Variants in PRDM16 observed in about 807,000 individuals in gnomAD.
PRDM16 encodes PR/SET domain 16, also known as histone-lysine N-methyltransferase PRDM16.
A neutral mutation model predicts 110.6 loss-of-function variants in PRDM16; 23 were observed. The ratio of observed to expected loss-of-function variants is 0.21; its 90% confidence interval spans 0.15 to 0.29. The LOEUF is 0.29. PRDM16 is among the 10% of genes least tolerant of loss of function. The pLI is 1.00. For missense variants in PRDM16, 1,615 were observed against 1,794.3 expected (o/e 0.90, Z 1.81); for synonymous variants, 799 against 781.8 (o/e 1.02, Z -0.37).
intron 1 of PRDM16, among the ~76,000 whole-genome samples, chr1:3,079,932 G>A (rs1376768572): frequency 6.6e-6 from 1 of 152,234 alleles, no homozygotes; most frequent in Non-Finnish European, 1.5e-5. Context: ...TGCCTTGGCT[G>A]CACCTCGGTC....
At chr1:3,198,204 G>A (rs910374041) in intron 2 of PRDM16, among the ~76,000 whole-genome samples, 5 of 152,214 alleles carry the variant, frequency 3.3e-5, no homozygotes, top group Admixed American at 2.0e-4. Flanking sequence ...GTGTGGCTGG[G>A]TTGCTGTGGT....
intron 3 of PRDM16, among the ~76,000 whole-genome samples, chr1:3,272,227 G>A (rs1569968012): frequency 6.6e-6 from 1 of 152,228 alleles, no homozygotes; most frequent in Non-Finnish European, 1.5e-5. Context: ...AGCACTCCAC[G>A]GGGACAGGCG....
chr1:3,246,626 G>C lies in PRDM16; in HGVS notation c.438+2489G>C, dbSNP rs1465412170. Among the ~76,000 whole-genome samples the C allele has an allele frequency of 6.6e-6, 1 of 152,228 alleles. No homozygotes were observed. Among genetic ancestry groups the C allele is most frequent in the East Asian group, 1.9e-4 (1 of 5,188 alleles). On this transcript the variant is annotated intron_variant, in intron 3 of 16. Transcript: ENST00000270722. The surrounding 1 kb of genome is among the most constrained non-coding windows in gnomAD (Gnocchi z 5.2). Reference sequence around the variant, plus strand: ...CCTCAGGCACAGCTCCACCAGAGGGGGAGGCTGCCACACAGCACTGCCTGG... The same window carrying C: ...CCTCAGGCACAGCTCCACCAGAGGGCGAGGCTGCCACACAGCACTGCCTGG...
At chr1:3,249,558 A>T (rs966895331) in intron 3 of PRDM16, among the ~76,000 whole-genome samples, 11 of 152,172 alleles carry the variant, frequency 7.2e-5, no homozygotes, top group Non-Finnish European at 1.0e-4. Flanking sequence ...AGAAAAAAAA[A>T]AATACACACC....
chr1:3,393,611 C>T (rs1274973137), intron 4 of PRDM16, among the ~76,000 whole-genome samples: 3 of 152,216 alleles, frequency 2.0e-5, no homozygotes, highest in Non-Finnish European at 4.4e-5. Context: ...CCACCGCGGC[C>T]GGCCCGGTCT....
At chr1:3,212,927 T>G (rs1201202237) in intron 2 of PRDM16, among the ~76,000 whole-genome samples, 1 of 152,212 alleles carries the variant, frequency 6.6e-6, no homozygotes, top group African/African-American at 2.4e-5. Flanking sequence ...CTTTTTCATG[T>G]TGCTGGTGAC....
At chr1:3,181,393 C>T (rs917661911) in intron 1 of PRDM16, among the ~76,000 whole-genome samples, 1 of 56,760 alleles carries the variant, frequency 1.8e-5, no homozygotes, top group South Asian at 8.7e-4. Context: ...CACGGCCTTA[C>T]GCATGGTCTT....
Position 3,432,144 on chromosome 1 carries a change from GGTACCC to G in PRDM16, c.3696+6_3696+11del. ...GTGCAGGCAGGCTAAGAACCAGGTA[GGTACCC>G]GCCAGAGCCCCTCCCCCACCCCACC... On this transcript the variant is annotated splice_donor_5th_base_variant and intron_variant, in intron 16 of 16. Coordinates refer to ENST00000270722, the MANE Select transcript of PRDM16 (RefSeq NM_022114.4). The G allele has an allele frequency of 6.2e-7, 1 of 1,611,878 alleles. No homozygotes were observed. Among genetic ancestry groups the G allele is most frequent in the Non-Finnish European group, 8.5e-7 (1 of 1,178,844 alleles).
In PRDM16 at chr1:3,432,847, G is replaced by A. The variant is rs185036930; in HGVS notation, c.3696+707G>A. 2.4e-4 allele frequency among the ~76,000 whole-genome samples: 36 copies of A among 152,274 alleles called. 1 individual carries two copies. Among genetic ancestry groups the A allele is most frequent in the Admixed American group, 1.4e-3 (21 of 15,298 alleles). On this transcript the variant is annotated intron_variant, in intron 16 of 16. Transcript: ENST00000270722. Reference sequence around the variant, plus strand: ...CCTTCCCTGCCCTTAACCCACACACGATGCTCCCCAGGTCCCATCCCCACC... The same window carrying A: ...CCTTCCCTGCCCTTAACCCACACACAATGCTCCCCAGGTCCCATCCCCACC...
intron 3 of PRDM16, among the ~76,000 whole-genome samples, chr1:3,330,471 C>T (rs1029155684): frequency 6.6e-5 from 10 of 152,220 alleles, no homozygotes; most frequent in East Asian, 1.9e-4. Flanking sequence ...CCTCACATGG[C>T]GCCCATTCTC....
intron 8 of PRDM16, among the ~76,000 whole-genome samples, chr1:3,407,018 G>A (rs985554061): frequency 6.6e-6 from 1 of 152,248 alleles, no homozygotes; most frequent in Non-Finnish European, 1.5e-5. Context: ...AGGCCAGGCT[G>A]TGGAGCCCAA....
rs573924206 is a variant in PRDM16 at position 3,098,753 on chromosome 1, C to T, written c.37+29457C>T. On this transcript the variant is annotated intron_variant, in intron 1 of 16. Transcript: ENST00000270722. Reference sequence around the variant, plus strand: ...GGGTTTTCAGTCTTCTGGACAGGCCCGGGGGCTTCCCTCTGATGCCCTTGC... The same window carrying T: ...GGGTTTTCAGTCTTCTGGACAGGCCTGGGGGCTTCCCTCTGATGCCCTTGC... Among the ~76,000 whole-genome samples the T allele has an allele frequency of 1.4e-4, 22 of 152,316 alleles. No individual in the cohort carries two copies. The South Asian group carries it at 3.7e-3, about 26-fold the overall frequency.
At chr1:3,139,417 T>C (rs555782870) in intron 1 of PRDM16, among the ~76,000 whole-genome samples, 1 of 152,332 alleles carries the variant, frequency 6.6e-6, no homozygotes, top group South Asian at 2.1e-4. Flanking sequence ...CCCAGATTGA[T>C]AGCAGGCGAC....
intron 1 of PRDM16, among the ~76,000 whole-genome samples, chr1:3,185,814 G>A (rs1225472705): frequency 1.3e-5 from 2 of 152,214 alleles, no homozygotes; most frequent in Non-Finnish European, 1.5e-5. Context: ...ACCACCCGGC[G>A]CATCCTCAGG....
intron 3 of PRDM16, among the ~76,000 whole-genome samples, chr1:3,263,584 T>TG (rs1414058496): frequency 6.6e-6 from 1 of 152,168 alleles, no homozygotes; most frequent in Admixed American, 6.5e-5. Context: ...TTCCATCCCA[T>TG]GGGGAACTTT....
chr1:3,370,513 A>AT lies in PRDM16; in HGVS notation c.439-14639_439-14638insT, dbSNP rs1212144453. On this transcript the variant is annotated intron_variant, in intron 3 of 16. Transcript: ENST00000270722. This position sits in a 1 kb window ranked among gnomAD's most constrained non-coding sequence, Gnocchi z 4.8. ...GCCTGGCTCTGGGAATCAGCCAGAT[A>AT]AAACCTTCCAGCCCCACCACCCACC... is the stretch of plus-strand genomic sequence containing the variant. Among the ~76,000 whole-genome samples, 2 of 152,108 alleles carry AT rather than the reference A, an allele frequency of 1.3e-5. No individual in the cohort carries two copies. The highest frequency in any genetic ancestry group is 1.3e-4 in the Admixed American group (2 of 15,272).
chr1:3,419,260 G>A (rs557012358), intron 12 of PRDM16, among the ~76,000 whole-genome samples: 129 of 152,324 alleles, frequency 8.5e-4, no homozygotes, highest in African/African-American at 2.8e-3. Flanking sequence ...GGGATTCCAC[G>A]GGGTCCCGGG....
At chr1:3,227,594 A>G (rs913269894) in intron 2 of PRDM16, among the ~76,000 whole-genome samples, 47 of 152,234 alleles carry the variant, frequency 3.1e-4, no homozygotes, top group African/African-American at 1.1e-3. Context: ...CCAAAAGGGA[A>G]TCAGGACCCG....
chr1:3,411,945 T>C lies in PRDM16; in HGVS notation c.1748T>C (p.Leu583Pro). 1 of 1,613,668 alleles carries C rather than the reference T, an allele frequency of 6.2e-7. No individual in the cohort carries two copies. Among genetic ancestry groups the C allele is most frequent in the African/African-American group, 1.3e-5 (1 of 75,012 alleles). The change falls in exon 9 of 17, where the codon CTG (leucine) becomes CCG (proline). Residue 583 changes from leucine (L) to proline (P), a missense_variant. Around this residue, in one of 5 missense-constraint regions of PRDM16, gnomAD observed 772 missense variants for 748.3 expected, o/e 1.03. Coordinates refer to ENST00000270722, the MANE Select transcript of PRDM16 (RefSeq NM_022114.4). ...CCCGAGGAGAAGTTCGAGAGCCGCC[T>C]GGAGGACTCCTGTGTGGAGAAGCTG... ...AGPEEKFESR[L>P]EDSCVEKLKT...
Sources: allele counts gnomAD v4.1 joint callset (sites outside exome capture counted in the v4.1 genomes callset), GRCh38; gene constraint gnomAD v4.1.1; regional missense constraint gnomAD v4.1.1; non-coding constraint Gnocchi (gnomAD v3.1); transcripts MANE v1.5; gene names NCBI Gene and HGNC (gene_info 2026-07-23, HGNC 2026-07-21).